The following SLC45A3 variants were observed in gnomAD, a reference collection of about 807,000 sequenced individuals.
SLC45A3 encodes the protein prostate cancer associated protein 2.
In SLC45A3, 17 loss-of-function variants were observed where a neutral mutation model predicts 35.3. That is an observed-to-expected ratio of 0.48 (90% CI 0.33 to 0.72). The LOEUF (loss-of-function observed/expected upper bound fraction) is 0.72. Ranked by LOEUF, SLC45A3 falls within the 30% of genes least tolerant of loss-of-function variation. The probability of loss-of-function intolerance (pLI) is 0.02; values close to 1 mark genes in which losing one functional copy is unlikely to be tolerated. For missense variants in SLC45A3, 597 were observed against 731.7 expected (o/e 0.82, Z 2.12); for synonymous variants, 288 against 334.3 (o/e 0.86, Z 1.51).
At chr1:205,674,072 G>A (rs1024634554) in intron 1 of SLC45A3, among the ~76,000 whole-genome samples, 1 of 152,216 alleles carries the variant, frequency 6.6e-6, no homozygotes, top group Non-Finnish European at 1.5e-5. Flanking sequence ...AGTGGCACAA[G>A]TGTGAAGATA....
intron 1 of SLC45A3, among the ~76,000 whole-genome samples, chr1:205,670,809 G>C (rs1031140884): frequency 6.6e-6 from 1 of 152,080 alleles, no homozygotes; most frequent in Non-Finnish European, 1.5e-5. Context: ...AGCTGCTGCT[G>C]GCCCCCACCC....
chr1:205,667,969 G>C (rs1221600060), intron 1 of SLC45A3, among the ~76,000 whole-genome samples: 1 of 152,136 alleles, frequency 6.6e-6, no homozygotes, highest in Admixed American at 6.5e-5. Context: ...TTCTTTACCT[G>C]GTAACTTGGG....
In SLC45A3 at chr1:205,664,997, G is replaced by A; in HGVS notation, c.-230-111C>T. On this transcript the variant is annotated intron_variant, in intron 1 of 4. Transcript: ENST00000367145. The surrounding 1 kb of genome is among the most constrained non-coding windows in gnomAD (Gnocchi z 5.3). Reference sequence around the variant, plus strand: ...CTGATCATTCACAGGCTGGCGACTGGCCCTGTCACCGAGGTGCCACCCCCT... The same window carrying A: ...CTGATCATTCACAGGCTGGCGACTGACCCTGTCACCGAGGTGCCACCCCCT... 1 of 1,081,630 alleles carries A rather than the reference G, an allele frequency of 9.2e-7. No homozygotes were observed. The highest frequency in any genetic ancestry group is 3.6e-5 in the South Asian group (1 of 27,470). The allele number at this position is 1,081,630 out of a possible 1,614,324, so 67.0% of individuals were successfully genotyped here.
chr1:205,672,798 A>G lies in SLC45A3; in HGVS notation c.-231+7596T>C, dbSNP rs117242784. Among the ~76,000 whole-genome samples, 30 of 152,222 alleles carry G rather than the reference A, an allele frequency of 2.0e-4. No individual in the cohort carries two copies. In the East Asian group the frequency reaches 4.6e-3, roughly 24 times the overall value. On this transcript the variant is annotated intron_variant, in intron 1 of 4. Transcript: ENST00000367145. ...TTTCTACACCTGTAAAATGAGAGCT[A>G]ATCTGGATAATGCCGAAGGTTCTTT...
intron 4 of SLC45A3, among the ~76,000 whole-genome samples, chr1:205,660,819 G>T (rs926540315): frequency 6.6e-6 from 1 of 152,110 alleles, no homozygotes; most frequent in South Asian, 2.1e-4. Flanking sequence ...AAGAGTGAAG[G>T]CTGAAGAAGG....
chr1:205,676,283 CT>C (rs1381581713), intron 1 of SLC45A3, among the ~76,000 whole-genome samples: 1 of 152,180 alleles, frequency 6.6e-6, no homozygotes, highest in Non-Finnish European at 1.5e-5. Flanking sequence ...AAGACAAGAA[CT>C]GCTGTTGTGG....
At position 205,662,642 on chromosome 1, in the gene SLC45A3, G is replaced by T; in HGVS notation, c.958+191C>A. The T allele has an allele frequency of 7.2e-7, 1 of 1,384,046 alleles. No homozygotes were observed. Among genetic ancestry groups the T allele is most frequent in the Non-Finnish European group, 9.3e-7 (1 of 1,074,162 alleles). 85.7% of individuals were successfully genotyped at this position (1,384,046 alleles called of 1,614,324 possible). A position where few individuals can be genotyped will look rare whatever the true frequency, so the allele number is the denominator to read the frequency against. On this transcript the variant is annotated intron_variant, in intron 3 of 4. Transcript: ENST00000367145. This position sits in a 1 kb window ranked among gnomAD's most constrained non-coding sequence, Gnocchi z 6.2. ...TGATCAGACTCCTAGAGCAGCCAGAGGCCTTCCTGAAACCGCAAGCAGAGA... is the reference window on the plus strand; with the variant it reads ...TGATCAGACTCCTAGAGCAGCCAGATGCCTTCCTGAAACCGCAAGCAGAGA...
In SLC45A3 at chr1:205,663,314, CT is replaced by C. The variant is rs1212268032; in HGVS notation, c.476del (p.Gln159ArgfsTer9). Reference sequence around the variant, plus strand: ...TCATGAAGGCATAGACAGAGTAGGCCTGGCGACAGTGGTCCGGGTCCCGGAA... The same window carrying C: ...TCATGAAGGCATAGACAGAGTAGGCCGGCGACAGTGGTCCGGGTCCCGGAA... ...DLFRDPDHCR[Q>X]AYSVYAFMIS... On this transcript the variant is annotated frameshift_variant, in exon 3 of 5. Transcript: ENST00000367145. LOFTEE classifies it high-confidence loss of function. 6.2e-6 allele frequency: 10 copies of C among 1,613,320 alleles called. No homozygotes were observed. The highest frequency in any genetic ancestry group is 8.5e-6 in the Non-Finnish European group (10 of 1,180,036).
Position 205,659,467 on chromosome 1 carries a change from G to A in SLC45A3, c.1429C>T (p.Pro477Ser). The change falls in exon 5 of 5, where the codon CCC (proline) becomes TCC (serine). Residue 477 changes from proline to serine, a missense_variant. Transcript: ENST00000367145. The surrounding 1 kb of genome is among the most constrained non-coding windows in gnomAD (Gnocchi z 5.8). ...CCCGGAACCACCCTGGCCTCGGTGGGCTCACCCACCACCACACGTACGGAG... is the reference window on the plus strand; with the variant it reads ...CCCGGAACCACCCTGGCCTCGGTGGACTCACCCACCACCACACGTACGGAG... ...DVSVRVVVGE[P>S]TEARVVPGRG... 6.2e-7 allele frequency: 1 copy of A among 1,613,992 alleles called. No homozygotes were observed. Among genetic ancestry groups the A allele is most frequent in the Non-Finnish European group, 8.5e-7 (1 of 1,179,950 alleles).
rs1671128627 is a variant in SLC45A3 at position 205,666,925 on chromosome 1, C to A, written c.-230-2039G>T. 6.6e-6 allele frequency among the ~76,000 whole-genome samples: 1 copy of A among 152,196 alleles called. No individual in the cohort carries two copies. Among genetic ancestry groups the A allele is most frequent in the Non-Finnish European group, 1.5e-5 (1 of 68,036 alleles). On this transcript the variant is annotated intron_variant, in intron 1 of 4. Transcript: ENST00000367145. This position sits in a 1 kb window ranked among gnomAD's most constrained non-coding sequence, Gnocchi z 4.1. ...AAAGGCTTCCAGCCCATTCCACTCCCCACCCTTGTTCTGGGAGGGCCCTGA... is the reference window on the plus strand; with the variant it reads ...AAAGGCTTCCAGCCCATTCCACTCCACACCCTTGTTCTGGGAGGGCCCTGA...
intron 1 of SLC45A3, among the ~76,000 whole-genome samples, chr1:205,671,019 C>T (rs1323791010): frequency 6.6e-6 from 1 of 152,194 alleles, no homozygotes. Context: ...TCCAGTCCAG[C>T]TTTGGAAAGG....
Position 205,670,943 on chromosome 1 carries a change from T to C in SLC45A3, c.-230-6057A>G, listed in dbSNP as rs1036445513. Among the ~76,000 whole-genome samples, 11 of 152,244 alleles carry C rather than the reference T, an allele frequency of 7.2e-5. 2 individuals carry two copies. The Middle Eastern group carries it at 0.031, about 424-fold the overall frequency. On this transcript the variant is annotated intron_variant, in intron 1 of 4. Transcript: ENST00000367145. ...GCTCCCTCCCCCCACTCACCCCCAA[T>C]GTGTGAAAACCCAACAGGTGGCTGT...
Position 205,669,280 on chromosome 1 carries a change from G to C in SLC45A3, c.-230-4394C>G, listed in dbSNP as rs898951087. ...GACCAGACCCCAAAAAGGGAGTTTT[G>C]GGGGAAATGAAACTGAGCAACAGGA... is the stretch of plus-strand genomic sequence containing the variant. On this transcript the variant is annotated intron_variant, in intron 1 of 4. Transcript: ENST00000367145. The surrounding 1 kb of genome is among the most constrained non-coding windows in gnomAD (Gnocchi z 4.1). Among the ~76,000 whole-genome samples the C allele has an allele frequency of 1.3e-5, 2 of 152,108 alleles. No homozygotes were observed. Among genetic ancestry groups the C allele is most frequent in the African/African-American group, 4.8e-5 (2 of 41,410 alleles).
chr1:205,658,249 G>T lies in SLC45A3; in HGVS notation c.*985C>A. The stretch of plus-strand genomic sequence containing the variant: ...GAGTAGAGGGGAGTGGAAGTGGGGG[G>T]AACCAGGCTGGGCCAAGAGAAGAGG... On this transcript the variant is annotated 3_prime_UTR_variant, in exon 5 of 5. Coordinates refer to ENST00000367145, the MANE Select transcript of SLC45A3 (RefSeq NM_033102.3). 4.3e-6 allele frequency: 1 copy of T among 232,796 alleles called. No individual in the cohort carries two copies. The highest frequency in any genetic ancestry group is 8.5e-6 in the Non-Finnish European group (1 of 117,756). 14.4% of individuals were successfully genotyped at this position (232,796 alleles called of 1,614,324 possible). A position where few individuals can be genotyped will look rare whatever the true frequency, so the allele number is the denominator to read the frequency against.
chr1:205,680,050 C>T (rs1671379101), intron 1 of SLC45A3, among the ~76,000 whole-genome samples: 1 of 150,072 alleles, frequency 6.7e-6, no homozygotes. Flanking sequence ...CCCGGTCCGG[C>T]CCGGCCCGGG....
chr1:205,662,781 G>GA lies in SLC45A3; in HGVS notation c.958+51_958+52insT, dbSNP rs1671050603. 1 of 1,522,680 alleles carries GA rather than the reference G, an allele frequency of 6.6e-7. No individual in the cohort carries two copies. Among genetic ancestry groups the GA allele is most frequent in the South Asian group, 1.3e-5 (1 of 76,596 alleles). 94.3% of individuals were successfully genotyped at this position (1,522,680 alleles called of 1,614,324 possible). On this transcript the variant is annotated intron_variant, in intron 3 of 4. Transcript: ENST00000367145. The surrounding 1 kb of genome is among the most constrained non-coding windows in gnomAD (Gnocchi z 6.2). ...CAGCCCAGACACAGCCCCGAGTGTC[G>GA]TCTCTGGTGGGCGGCTCCCACACCA...
intron 1 of SLC45A3, among the ~76,000 whole-genome samples, chr1:205,677,036 C>A (rs1035575791): frequency 6.6e-6 from 1 of 152,232 alleles, no homozygotes; most frequent in African/African-American, 2.4e-5. Flanking sequence ...AGAATCCCAA[C>A]TTCAGGGCAC....
chr1:205,670,923 C>T (rs540902951), intron 1 of SLC45A3, among the ~76,000 whole-genome samples: 6 of 152,360 alleles, frequency 3.9e-5, no homozygotes, highest in Admixed American at 2.6e-4. Context: ...CAATGGCTCC[C>T]TCCCCCCACT....
rs1671095643 is a variant in SLC45A3 at position 205,664,954 on chromosome 1, C to G, written c.-230-68G>C. On this transcript the variant is annotated intron_variant, in intron 1 of 4. Coordinates refer to ENST00000367145, the MANE Select transcript of SLC45A3 (RefSeq NM_033102.3). This position sits in a 1 kb window ranked among gnomAD's most constrained non-coding sequence, Gnocchi z 5.3. ...CTGGGAGCCAGGTCTCCACGATTTG[C>G]TCTAAATTGTCTGGATCCTGATCAT... 1 of 1,228,272 alleles carries G rather than the reference C, an allele frequency of 8.1e-7. No homozygotes were observed. 76.1% of individuals were successfully genotyped at this position (1,228,272 alleles called of 1,614,324 possible). A position where few individuals can be genotyped will look rare whatever the true frequency, so the allele number is the denominator to read the frequency against.
Sources: gnomAD v4.1 joint callset for allele counts (sites outside exome capture counted in the v4.1 genomes callset) on GRCh38, gnomAD v4.1.1 for gene constraint, Gnocchi (gnomAD v3.1) non-coding constraint, MANE v1.5 for transcripts, NCBI Gene and HGNC (gene_info 2026-07-23, HGNC 2026-07-21) for gene names.